Variants in UEVLD observed in about 807,000 individuals in gnomAD.
UEVLD encodes the protein ubiquitin-conjugating enzyme E2 variant 3.
Under a neutral mutation model 58.6 loss-of-function variants are expected in UEVLD, and 47 were observed. The ratio of observed to expected loss-of-function variants is 0.80; its 90% CI spans 0.63 to 1.02. UEVLD has a LOEUF of 1.02. UEVLD is among the 50% of genes least tolerant of loss of function. The pLI, the probability that UEVLD is intolerant of heterozygous loss-of-function variation, is 0.00. For missense variants in UEVLD, 510 were observed against 550.6 expected (o/e 0.93, Z 0.74); for synonymous variants, 197 against 195.3 (o/e 1.01, Z -0.07).
At chr11:18,549,048 C>G (rs1171825899) in intron 7 of UEVLD, among the ~76,000 whole-genome samples, 1 of 152,144 alleles carries the variant, frequency 6.6e-6, no homozygotes, top group Non-Finnish European at 1.5e-5. Flanking sequence ...TTAATCTAAT[C>G]AACAATACAC....
intron 1 of UEVLD, among the ~76,000 whole-genome samples, chr11:18,584,121 G>A (rs939759810): frequency 6.6e-5 from 10 of 152,180 alleles, no homozygotes; most frequent in Non-Finnish European, 1.5e-4. Flanking sequence ...GCTCACATCT[G>A]TAATCCCAGA....
chr11:18,531,473 T>G lies in UEVLD; in HGVS notation c.*847A>C, dbSNP rs957880820. On this transcript the variant is annotated 3_prime_UTR_variant, in exon 12 of 12. Coordinates refer to ENST00000396197, the MANE Select transcript of UEVLD (RefSeq NM_001040697.4). ...CATCAGGAGAGGTTAAAGGATTTGC[T>G]CAGAACAAATAAAAAACCTCTCCCT... 1 of 152,182 alleles carries G rather than the reference T, an allele frequency of 6.6e-6. No individual in the cohort carries two copies. The highest frequency in any genetic ancestry group is 1.5e-5 in the Non-Finnish European group (1 of 68,030). The allele number at this position is 152,182 out of a possible 1,614,324, so 9.4% of individuals were successfully genotyped here.
chr11:18,549,865 A>C (rs1270457729), intron 7 of UEVLD, among the ~76,000 whole-genome samples: 5 of 151,272 alleles, frequency 3.3e-5, no homozygotes, highest in Admixed American at 2.6e-4. Flanking sequence ...CTTGTCGCCC[A>C]GGCTGTAGTG....
At position 18,571,950 on chromosome 11, in the gene UEVLD, G is replaced by C. The variant is rs144602132; in HGVS notation, c.194-1573C>G. Among the ~76,000 whole-genome samples the C allele has an allele frequency of 1.4e-3, 220 of 152,154 alleles. 1 individual carries two copies. The highest frequency in any genetic ancestry group is 4.8e-3 in the African/African-American group (201 of 41,528). ...AACACCCTCTCTCTTAAAAGAAAAA[G>C]AACAGCCCAGGAGTGATGGCTCACG... On this transcript the variant is annotated intron_variant, in intron 3 of 11. Coordinates refer to ENST00000396197, the MANE Select transcript of UEVLD (RefSeq NM_001040697.4).
chr11:18,536,138 T>A (rs1445014875), intron 10 of UEVLD, among the ~76,000 whole-genome samples: 1 of 152,064 alleles, frequency 6.6e-6, no homozygotes, highest in Admixed American at 6.6e-5. Flanking sequence ...GATGTTTAGG[T>A]AGAGAAGCAG....
chr11:18,579,423 A>T, intron 1 of UEVLD: 1 of 985,072 alleles, frequency 1.0e-6, no homozygotes, highest in Middle Eastern at 5.2e-4. Context: ...ACTGCCTCCA[A>T]ATACCTCCAG....
chr11:18,566,327 T>A lies in UEVLD; in HGVS notation c.493+20A>T. ...GTAACTCATAACTCTCAAGATAATC[T>A]GCCTGACAAATATACAAACCTTCAG... On this transcript the variant is annotated intron_variant, in intron 5 of 11. Transcript: ENST00000396197. 6.2e-7 allele frequency: 1 copy of A among 1,613,238 alleles called. No homozygotes were observed. The highest frequency in any genetic ancestry group is 1.1e-5 in the South Asian group (1 of 90,916).
intron 4 of UEVLD, 106 bp downstream of exon 4, chr11:18,570,108 T>A: frequency 1.7e-6 from 2 of 1,187,708 alleles, no homozygotes; most frequent in Non-Finnish European, 2.3e-6. Flanking sequence ...ATGAAGAATA[T>A]CATTGAAAGA....
At chr11:18,557,003 G>C (rs1851779380) in intron 7 of UEVLD, among the ~76,000 whole-genome samples, 1 of 150,222 alleles carries the variant, frequency 6.7e-6, no homozygotes, top group Non-Finnish European at 1.5e-5. Context: ...GAGGTGAAAG[G>C]ATAGCTTGAG....
At position 18,534,471 on chromosome 11, in the gene UEVLD, G is replaced by A. The variant is rs370574594; in HGVS notation, c.1125-18C>T. The A allele has an allele frequency of 3.5e-5, 55 of 1,553,506 alleles. No homozygotes were observed. Among genetic ancestry groups the A allele is most frequent in the Non-Finnish European group, 4.2e-5 (49 of 1,161,360 alleles). ...CCATGGCTCTAGGTTACAAAAATAC[G>A]TGATCTCAGAAAATGCATAAAATAT... On this transcript the variant is annotated intron_variant, in intron 10 of 11. Transcript: ENST00000396197.
chr11:18,536,693 C>T (rs1249332562), intron 9 of UEVLD: 5 of 471,912 alleles, frequency 1.1e-5, no homozygotes, highest in South Asian at 9.0e-5. Flanking sequence ...CCAAAGTCTG[C>T]TTGCAGTCTC....
In UEVLD at chr11:18,566,172, T is replaced by C. The variant is rs140143691; in HGVS notation, c.493+175A>G. Among the ~76,000 whole-genome samples, 483 of 152,242 alleles carry C rather than the reference T, an allele frequency of 3.2e-3. 1 individual carries two copies. Among genetic ancestry groups the C allele is most frequent in the Non-Finnish European group, 5.4e-3 (365 of 68,014 alleles). On this transcript the variant is annotated intron_variant, in intron 5 of 11. Coordinates refer to ENST00000396197, the MANE Select transcript of UEVLD (RefSeq NM_001040697.4). The stretch of plus-strand genomic sequence containing the variant: ...CCTCAGCCTCCCAAAGTCCTGGGAT[T>C]ACAGGAGTGAGCCACTGCGCCTGGC...
At chr11:18,542,341 G>A (rs575053072) in intron 9 of UEVLD, among the ~76,000 whole-genome samples, 2 of 152,214 alleles carry the variant, frequency 1.3e-5, no homozygotes, top group South Asian at 4.2e-4. Context: ...AATTTCAAAT[G>A]TATTCAAGTA....
chr11:18,586,228 T>A (rs993379135), intron 1 of UEVLD, among the ~76,000 whole-genome samples: 2 of 152,180 alleles, frequency 1.3e-5, no homozygotes, highest in Admixed American at 1.3e-4. Flanking sequence ...TTTTTTTATT[T>A]TTTTGAGATG....
chr11:18,548,992 A>G (rs1695444612), intron 7 of UEVLD, among the ~76,000 whole-genome samples: 1 of 152,220 alleles, frequency 6.6e-6, no homozygotes, highest in Admixed American at 6.5e-5. Flanking sequence ...TAACAATTCC[A>G]TATGTGTCAA....
At chr11:18,535,700 A>G (rs1173538409) in intron 10 of UEVLD, among the ~76,000 whole-genome samples, 3 of 150,984 alleles carry the variant, frequency 2.0e-5, no homozygotes, top group African/African-American at 7.3e-5. Flanking sequence ...CAAAAGATAC[A>G]AGGATCTGTG....
At chr11:18,581,675 C>G (rs975336289) in intron 1 of UEVLD, among the ~76,000 whole-genome samples, 1 of 134,752 alleles carries the variant, frequency 7.4e-6, no homozygotes, top group African/African-American at 2.8e-5. Context: ...GAGACACTGT[C>G]TCAAAAAAAA....
intron 9 of UEVLD, 82 bp from the exon 10 acceptor site, chr11:18,536,551 G>C (rs1459133406): frequency 6.0e-6 from 7 of 1,168,128 alleles, no homozygotes; most frequent in African/African-American, 1.5e-5. Flanking sequence ...TGGAGTCAAG[G>C]GTACCTGTGC....
At chr11:18,574,855 T>C (rs1338839340) in intron 3 of UEVLD, among the ~76,000 whole-genome samples, 3 of 152,110 alleles carry the variant, frequency 2.0e-5, no homozygotes, top group African/African-American at 4.8e-5. Context: ...CTATATCACA[T>C]AGAGAGGAAA....
Sources: allele counts gnomAD v4.1 joint callset (sites outside exome capture counted in the v4.1 genomes callset), GRCh38; gene constraint gnomAD v4.1.1; transcripts MANE v1.5; gene names NCBI Gene and HGNC (gene_info 2026-07-23, HGNC 2026-07-21).